The following GRM8 variants were observed in gnomAD, a reference collection of about 807,000 sequenced individuals.
The protein encoded by GRM8 is metabotropic glutamate receptor 8.
In GRM8, 47 loss-of-function variants were observed where a neutral mutation model predicts 87.2. That is an observed-to-expected ratio of 0.54 (90% CI 0.43 to 0.69). The LOEUF is 0.69. GRM8 is among the 30% of genes least tolerant of loss of function. The pLI is 0.00. For synonymous variants in GRM8, 396 were observed against 404.5 expected, an observed-to-expected ratio of 0.98 and a Z score of 0.25; for missense variants, 1,019 against 1,139.2, an observed-to-expected ratio of 0.89 and a Z score of 1.52.
chr7:127,052,685 G>C (rs1048228139), intron 3 of GRM8, among the ~76,000 whole-genome samples: 1 of 152,032 alleles, frequency 6.6e-6, no homozygotes, highest in South Asian at 2.1e-4. Context: ...CTACTCTTTA[G>C]GCATCACCTC....
chr7:127,008,284 C>A (rs1814521990), intron 3 of GRM8, among the ~76,000 whole-genome samples: 1 of 152,014 alleles, frequency 6.6e-6, no homozygotes. Context: ...AGAATTTTAA[C>A]CATAACCCTC....
chr7:127,038,454 C>T (rs1210363066), intron 3 of GRM8, among the ~76,000 whole-genome samples: 1 of 151,312 alleles, frequency 6.6e-6, no homozygotes, highest in African/African-American at 2.4e-5. Flanking sequence ...CATTCCAGTC[C>T]AGGCAGAAAA....
chr7:126,601,393 C>T (rs1051893131), intron 8 of GRM8, among the ~76,000 whole-genome samples: 14 of 152,146 alleles, frequency 9.2e-5, no homozygotes, highest in South Asian at 4.2e-4. Context: ...AATAAACATA[C>T]GTGTGCATGT....
intron 7 of GRM8, among the ~76,000 whole-genome samples, chr7:126,661,061 T>C (rs1445561616): frequency 6.6e-6 from 1 of 152,144 alleles, no homozygotes; most frequent in African/African-American, 2.4e-5. Context: ...GTTAAAAAAA[T>C]AGTTAGAAAG....
At chr7:126,989,781 A>C in intron 3 of GRM8, among the ~76,000 whole-genome samples, 1 of 151,710 alleles carries the variant, frequency 6.6e-6, no homozygotes, top group East Asian at 1.9e-4. Context: ...ATCTTTACAA[A>C]ATGTACAGAA....
chr7:126,650,962 A>C (rs1803784385), intron 7 of GRM8, among the ~76,000 whole-genome samples: 1 of 152,106 alleles, frequency 6.6e-6, no homozygotes, highest in Non-Finnish European at 1.5e-5. Context: ...AGAAGCAGAG[A>C]CTGATGCTGA....
chr7:126,533,188 C>CTAG lies in GRM8; in HGVS notation c.2191_2193dup (p.Leu731dup), dbSNP rs771428926. On this transcript the variant is annotated inframe_insertion, in exon 9 of 11. Transcript: ENST00000339582. ...AGCACTCCCCTGGCCTTCTCTGGAT[C>CTAG]TAGTGTCCGCTGCTCTCCATAGTCA... is the stretch of plus-strand genomic sequence containing the variant. 6.2e-7 allele frequency: 1 copy of CTAG among 1,612,696 alleles called. No individual in the cohort carries two copies. Among genetic ancestry groups the CTAG allele is most frequent in the Non-Finnish European group, 8.5e-7 (1 of 1,179,568 alleles).
chr7:127,101,478 C>T (rs1825244099), intron 3 of GRM8, among the ~76,000 whole-genome samples: 1 of 152,150 alleles, frequency 6.6e-6, no homozygotes, highest in Non-Finnish European at 1.5e-5. Context: ...GTGCTATCTT[C>T]AGGATGGTGA....
chr7:127,043,400 T>C (rs1586835500), intron 3 of GRM8, among the ~76,000 whole-genome samples: 1 of 152,180 alleles, frequency 6.6e-6, no homozygotes, highest in African/African-American at 2.4e-5. Flanking sequence ...ATTAAGAAAA[T>C]GTGGCACATA....
chr7:127,154,192 A>G (rs1792581613), intron 2 of GRM8, among the ~76,000 whole-genome samples: 1 of 152,088 alleles, frequency 6.6e-6, no homozygotes, highest in African/African-American at 2.4e-5. Flanking sequence ...CAACTTTGCA[A>G]AAGGCACTTT....
intron 3 of GRM8, among the ~76,000 whole-genome samples, chr7:127,078,235 G>T (rs1283356695): frequency 6.6e-6 from 1 of 152,200 alleles, no homozygotes; most frequent in African/African-American, 2.4e-5. Flanking sequence ...TCCCCTGGCA[G>T]CCTTTCCTGG....
intron 6 of GRM8, among the ~76,000 whole-genome samples, chr7:126,856,738 C>T (rs1797719111): frequency 6.6e-6 from 1 of 152,158 alleles, no homozygotes; most frequent in African/African-American, 2.4e-5. Flanking sequence ...AATGATAAAA[C>T]TTTGAAGCCC....
chr7:126,767,237 C>T (rs1207277119), intron 7 of GRM8, among the ~76,000 whole-genome samples: 5 of 152,056 alleles, frequency 3.3e-5, no homozygotes, highest in Admixed American at 6.6e-5. Context: ...AAGAGTTATA[C>T]ATCTAAATCA....
chr7:126,949,771 T>A (rs752651169), intron 3 of GRM8, among the ~76,000 whole-genome samples: 1 of 152,126 alleles, frequency 6.6e-6, no homozygotes, highest in Non-Finnish European at 1.5e-5. Flanking sequence ...TCTTGCATAA[T>A]GGAGCCAGAG....
At chr7:126,779,167 A>G (rs910150233) in intron 6 of GRM8, among the ~76,000 whole-genome samples, 2 of 152,038 alleles carry the variant, frequency 1.3e-5, no homozygotes, top group Non-Finnish European at 2.9e-5. Flanking sequence ...TTTTGCAATT[A>G]ATTCTTTTGT....
At chr7:127,250,422 T>G (rs1488788417) in intron 1 of GRM8, among the ~76,000 whole-genome samples, 1 of 152,236 alleles carries the variant, frequency 6.6e-6, no homozygotes, top group Non-Finnish European at 1.5e-5. Flanking sequence ...TAAGGAACAG[T>G]ATACAGCTGT....
At chr7:126,477,754 A>G (rs976065498) in intron 9 of GRM8, among the ~76,000 whole-genome samples, 1 of 152,092 alleles carries the variant, frequency 6.6e-6, no homozygotes, top group African/African-American at 2.4e-5. Flanking sequence ...AAGAAATTTT[A>G]AAAACTTTTC....
At chr7:127,005,975 C>G (rs1444176640) in intron 3 of GRM8, among the ~76,000 whole-genome samples, 1 of 151,874 alleles carries the variant, frequency 6.6e-6, no homozygotes, top group Non-Finnish European at 1.5e-5. Context: ...TTTTCCCACT[C>G]TCTCAAAAAT....
intron 2 of GRM8, among the ~76,000 whole-genome samples, chr7:127,110,418 T>A (rs1826239048): frequency 6.6e-6 from 1 of 152,140 alleles, no homozygotes; most frequent in East Asian, 1.9e-4. Flanking sequence ...ATTTCCTTTC[T>A]TCTTCATTTC....
Sources: gnomAD v4.1 joint callset for allele counts (sites outside exome capture counted in the v4.1 genomes callset) on GRCh38, gnomAD v4.1.1 for gene constraint, MANE v1.5 for transcripts, NCBI Gene and HGNC (gene_info 2026-07-23, HGNC 2026-07-21) for gene names.